The following GMDS variants were observed in gnomAD, a reference collection of about 807,000 sequenced individuals.
GMDS encodes GDP-mannose 4,6-dehydratase, also known as GDP-mannose 4,6 dehydratase.
In GMDS, 20 loss-of-function variants were observed where a neutral mutation model predicts 49.9. That is an observed-to-expected ratio of 0.40 (90% CI 0.28 to 0.58). The LOEUF (loss-of-function observed/expected upper bound fraction) is 0.58, where lower values mean the gene tolerates loss of function less well. Among genes scored for constraint, GMDS ranks in the 20% least tolerant of loss-of-function variants. The probability of loss-of-function intolerance (pLI) is 0.42; values close to 1 mark genes in which losing one functional copy is unlikely to be tolerated. For missense variants in GMDS, 362 were observed against 481.4 expected, an observed-to-expected ratio of 0.75 and a Z score of 2.32; for synonymous variants, 177 against 178.6, an observed-to-expected ratio of 0.99 and a Z score of 0.07.
chr6:1,986,445 CCTATGAAACCTAGTCTTTCA>C (rs767051472), intron 4 of GMDS, among the ~76,000 whole-genome samples: 27 of 152,142 alleles, frequency 1.8e-4, no homozygotes, highest in Non-Finnish European at 3.8e-4. Context: ...CTGTGAATTC[CCTATGAAACCTAGTCTTTCA>C]CTACCTTAAA....
At chr6:2,171,502 G>A (rs1175769279) in intron 1 of GMDS, among the ~76,000 whole-genome samples, 1 of 152,188 alleles carries the variant, frequency 6.6e-6, no homozygotes, top group Non-Finnish European at 1.5e-5. Context: ...TAACTGAGTG[G>A]AGAAAAATTA....
chr6:2,026,486 T>C (rs1188732263), intron 4 of GMDS, among the ~76,000 whole-genome samples: 1 of 152,220 alleles, frequency 6.6e-6, no homozygotes, highest in East Asian at 1.9e-4. Flanking sequence ...GCACACATCG[T>C]TTCTCTTAGC....
At chr6:2,012,962 C>T (rs1249181389) in intron 4 of GMDS, among the ~76,000 whole-genome samples, 1 of 152,128 alleles carries the variant, frequency 6.6e-6, no homozygotes, top group Admixed American at 6.6e-5. Context: ...AATGCTTCGA[C>T]AAAGTCTTCT....
intron 4 of GMDS, among the ~76,000 whole-genome samples, chr6:1,967,150 T>C (rs1252623866): frequency 6.6e-6 from 1 of 152,210 alleles, no homozygotes; most frequent in African/African-American, 2.4e-5. Context: ...GCTAAAAACA[T>C]CCCGTCCTTG....
intron 9 of GMDS, among the ~76,000 whole-genome samples, chr6:1,675,082 T>G (rs1489711402): frequency 6.6e-6 from 1 of 151,988 alleles, no homozygotes; most frequent in East Asian, 1.9e-4. Flanking sequence ...GGATTACAGG[T>G]ATGCAACACC....
At chr6:2,239,152 A>C (rs1414787059) in intron 1 of GMDS, among the ~76,000 whole-genome samples, 1 of 152,180 alleles carries the variant, frequency 6.6e-6, no homozygotes, top group African/African-American at 2.4e-5. Flanking sequence ...AACATGGCAA[A>C]ACCCCAACTC....
intron 7 of GMDS, among the ~76,000 whole-genome samples, chr6:1,912,904 A>G (rs1570535): frequency 0.51 from 77,726 of 151,998 alleles, 23,113 homozygotes; most frequent in East Asian, 0.84. Flanking sequence ...TGTGTGTACC[A>G]CAAGCCCAAA....
At chr6:1,871,824 C>T (rs985325300) in intron 7 of GMDS, among the ~76,000 whole-genome samples, 1 of 152,208 alleles carries the variant, frequency 6.6e-6, no homozygotes, top group Non-Finnish European at 1.5e-5. Flanking sequence ...GAGCATAGTT[C>T]ACATTAACAG....
intron 8 of GMDS, 105 bp from the exon 9 acceptor site, chr6:1,726,617 A>C: frequency 1.3e-6 from 1 of 790,958 alleles, no homozygotes. Flanking sequence ...GGAGCGCTTA[A>C]GCTCATTAAC....
At chr6:1,669,606 G>A (rs544631341) in intron 9 of GMDS, among the ~76,000 whole-genome samples, 6 of 152,242 alleles carry the variant, frequency 3.9e-5, no homozygotes, top group African/African-American at 1.4e-4. Context: ...GTTCAAACAG[G>A]GGCTTGGCAT....
intron 4 of GMDS, among the ~76,000 whole-genome samples, chr6:1,997,276 A>G (rs774199956): frequency 3.3e-5 from 5 of 151,986 alleles, no homozygotes; most frequent in Non-Finnish European, 7.4e-5. Context: ...TTGGGAGGCC[A>G]AGGTGGGCAA....
chr6:1,777,929 C>G (rs912390469), intron 7 of GMDS, among the ~76,000 whole-genome samples: 4 of 151,902 alleles, frequency 2.6e-5, no homozygotes, highest in African/African-American at 9.7e-5. Flanking sequence ...GACCTTACAC[C>G]CCAAATAAAG....
intron 4 of GMDS, among the ~76,000 whole-genome samples, chr6:2,076,167 C>T (rs888043068): frequency 9.2e-5 from 14 of 151,962 alleles, no homozygotes; most frequent in Non-Finnish European, 1.5e-5. Flanking sequence ...TTGTCAGATG[C>T]GTAGATTGCA....
Position 2,016,216 on chromosome 6 carries a change from G to A in GMDS, c.346-55250C>T, listed in dbSNP as rs146976294. 6.3e-3 allele frequency among the ~76,000 whole-genome samples: 941 copies of A among 150,116 alleles called. 7 individuals are homozygous for A. Among genetic ancestry groups the A allele is most frequent in the African/African-American group, 0.021 (852 of 40,844 alleles). ...TGAGGCTGCAGTGAGCTGTGATTGC[G>A]CCACTGCACTCTAGCCTAGGCAACA... On this transcript the variant is annotated intron_variant, in intron 4 of 10. Transcript: ENST00000380815.
intron 6 of GMDS, among the ~76,000 whole-genome samples, chr6:1,937,394 A>G (rs1196716132): frequency 6.6e-6 from 1 of 152,242 alleles, no homozygotes; most frequent in Non-Finnish European, 1.5e-5. Context: ...TTTGAAAAAC[A>G]AGTATAAATT....
intron 1 of GMDS, among the ~76,000 whole-genome samples, chr6:2,127,053 G>A (rs768254347): frequency 7.2e-5 from 11 of 152,030 alleles, no homozygotes; most frequent in Non-Finnish European, 1.0e-4. Context: ...AATTCTTACC[G>A]TTTTTACATA....
At chr6:1,922,270 T>C (rs1488155797) in intron 7 of GMDS, among the ~76,000 whole-genome samples, 1 of 152,244 alleles carries the variant, frequency 6.6e-6, no homozygotes, top group Middle Eastern at 3.2e-3. Flanking sequence ...TGTCACTTTA[T>C]GAGACAGATA....
At chr6:1,789,102 A>G (rs2113630630) in intron 7 of GMDS, among the ~76,000 whole-genome samples, 1 of 152,388 alleles carries the variant, frequency 6.6e-6, no homozygotes, top group African/African-American at 2.4e-5. Flanking sequence ...TAGAAAGGAT[A>G]CAACTCAGGA....
intron 4 of GMDS, among the ~76,000 whole-genome samples, chr6:2,061,528 C>A (rs1771167518): frequency 6.6e-6 from 1 of 151,786 alleles, no homozygotes; most frequent in Admixed American, 6.6e-5. Context: ...ACCAACTTGG[C>A]CAACATGGCA....
Sources: allele counts gnomAD v4.1 joint callset (sites outside exome capture counted in the v4.1 genomes callset), GRCh38; gene constraint gnomAD v4.1.1; transcripts MANE v1.5; gene names NCBI Gene and HGNC (gene_info 2026-07-23, HGNC 2026-07-21).